CDON: variants seen among roughly 807,000 people sequenced by gnomAD.
CDON encodes the protein cell adhesion molecule-related/down-regulated by oncogenes.
Under a neutral mutation model 120.9 loss-of-function variants are expected in CDON, and 73 were observed. That is an observed-to-expected ratio of 0.60 (90% CI 0.50 to 0.73). The LOEUF is 0.73. Among genes scored for constraint, CDON ranks in the 30% least tolerant of loss-of-function variants. The probability of loss-of-function intolerance (pLI) is 0.00; values close to 1 mark genes in which losing one functional copy is unlikely to be tolerated. For synonymous variants in CDON, 566 were observed against 573.5 expected (o/e 0.99, Z 0.19); for missense variants, 1,470 against 1,587.3 (o/e 0.93, Z 1.26).
At chr11:125,965,490 T>C (rs1178155056) in intron 18 of CDON, among the ~76,000 whole-genome samples, 1 of 152,070 alleles carries the variant, frequency 6.6e-6, no homozygotes, top group Non-Finnish European at 1.5e-5. Context: ...AAACAAGGTG[T>C]CAAGAAGAAA....
At chr11:126,000,464 T>TC (rs1946909934) in intron 11 of CDON, among the ~76,000 whole-genome samples, 1 of 152,194 alleles carries the variant, frequency 6.6e-6, no homozygotes, top group South Asian at 2.1e-4. Context: ...TGTCTCAGCC[T>TC]CCCAAAGCAC....
chr11:125,969,622 A>C (rs1945904559), intron 18 of CDON, among the ~76,000 whole-genome samples: 2 of 152,214 alleles, frequency 1.3e-5, no homozygotes, highest in Non-Finnish European at 2.9e-5. Flanking sequence ...TACTTTGTTT[A>C]ATCTTAAGTT....
chr11:125,964,861 C>A (rs1945746571), intron 18 of CDON, among the ~76,000 whole-genome samples: 1 of 152,196 alleles, frequency 6.6e-6, no homozygotes, highest in Admixed American at 6.5e-5. Context: ...ACTCTAATAT[C>A]AAAAGATCAG....
chr11:126,010,313 C>T (rs1565525423), intron 8 of CDON, 28 bp downstream of exon 8: 2 of 1,446,140 alleles, frequency 1.4e-6, no homozygotes, highest in Non-Finnish European at 1.9e-6. Context: ...AATTACTCAA[C>T]TAAAAATAAA....
Position 125,960,845 on chromosome 11 carries a change from C to A in CDON, c.*97G>T. The A allele has an allele frequency of 9.2e-7, 1 of 1,082,220 alleles. No homozygotes were observed. Among genetic ancestry groups the A allele is most frequent in the Non-Finnish European group, 1.4e-6 (1 of 700,896 alleles). 67.0% of individuals were successfully genotyped at this position (1,082,220 alleles called of 1,614,324 possible). A position where few individuals can be genotyped will look rare whatever the true frequency, so the allele number is the denominator to read the frequency against. Reference sequence around the variant, plus strand: ...ACAAAAAAATAAATAATGATTTTCTCTGATTTGAATTAAGGTCCTTCACAC... The same window carrying A: ...ACAAAAAAATAAATAATGATTTTCTATGATTTGAATTAAGGTCCTTCACAC... On this transcript the variant is annotated 3_prime_UTR_variant, in exon 20 of 20. Coordinates refer to ENST00000531738, the MANE Select transcript of CDON (RefSeq NM_001378964.1).
intron 18 of CDON, among the ~76,000 whole-genome samples, chr11:125,965,815 G>C (rs1337391281): frequency 6.6e-6 from 1 of 152,126 alleles, no homozygotes; most frequent in Non-Finnish European, 1.5e-5. Flanking sequence ...CAGAAACTCT[G>C]CAAGTTTGTA....
rs887013184 is a variant in CDON at position 126,034,108 on chromosome 11, G to A, written c.-61-10571C>T. The stretch of plus-strand genomic sequence containing the variant: ...ACTTTATAAGCACTTATTAATGATC[G>A]TGCAATCATTCAGATCAACTTAAAA... On this transcript the variant is annotated intron_variant, in intron 1 of 19. Transcript: ENST00000531738. This position sits in a 1 kb window ranked among gnomAD's most constrained non-coding sequence, Gnocchi z 4.5. 7.3e-5 allele frequency among the ~76,000 whole-genome samples: 11 copies of A among 151,484 alleles called. No homozygotes were observed. The highest frequency in any genetic ancestry group is 1.9e-4 in the African/African-American group (8 of 41,152).
At chr11:126,025,909 C>T (rs1947781150) in intron 1 of CDON, among the ~76,000 whole-genome samples, 1 of 152,128 alleles carries the variant, frequency 6.6e-6, no homozygotes, top group African/African-American at 2.4e-5. Flanking sequence ...TGCCATTCTC[C>T]AGATATGGCC....
chr11:126,020,474 C>T (rs1007993280), intron 3 of CDON, among the ~76,000 whole-genome samples: 1 of 152,174 alleles, frequency 6.6e-6, no homozygotes, highest in Non-Finnish European at 1.5e-5. Context: ...TCAAAGCACT[C>T]AGCAGCCTGC....
At chr11:125,978,475 G>A (rs991274773) in intron 17 of CDON, 92 bp from the exon 18 acceptor site, 7 of 803,658 alleles carry the variant, frequency 8.7e-6, no homozygotes, top group South Asian at 1.4e-5. Flanking sequence ...AAATACACAT[G>A]AGCCATGTCA....
intron 7 of CDON, 104 bp downstream of exon 7, chr11:126,015,137 G>A (rs529123727): frequency 1.6e-4 from 184 of 1,118,464 alleles, no homozygotes; most frequent in South Asian, 1.5e-3. Flanking sequence ...CTTGTACGGT[G>A]CTAGGGTTAT....
At position 126,020,559 on chromosome 11, in the gene CDON, TCTC is replaced by T. The variant is rs758268254; in HGVS notation, c.349+686_349+688del. Among the ~76,000 whole-genome samples the T allele has an allele frequency of 3.9e-5, 6 of 152,144 alleles. No homozygotes were observed. In the East Asian group the frequency reaches 9.6e-4, roughly 24 times the overall value. On this transcript the variant is annotated intron_variant, in intron 3 of 19. Transcript: ENST00000531738. ...ACAGCTCTACAAAAACATTTACTCTTCTCAGTTATGACAAACTCACTACTCCTG... is the reference window on the plus strand; with the variant it reads ...ACAGCTCTACAAAAACATTTACTCTTAGTTATGACAAACTCACTACTCCTG...
rs149563412 is a variant in CDON at position 126,037,991 on chromosome 11, A to G, written c.-61-14454T>C. On this transcript the variant is annotated intron_variant, in intron 1 of 19. Coordinates refer to ENST00000531738, the MANE Select transcript of CDON (RefSeq NM_001378964.1). Reference sequence around the variant, plus strand: ...TGACTGCACTAAGAGGAAAGGGGGAAAAAACAGCAAAGATATCCAAAGTCG... The same window carrying G: ...TGACTGCACTAAGAGGAAAGGGGGAGAAAACAGCAAAGATATCCAAAGTCG... 4.3e-3 allele frequency among the ~76,000 whole-genome samples: 661 copies of G among 152,354 alleles called. 4 individuals are homozygous for G. Among genetic ancestry groups the G allele is most frequent in the Non-Finnish European group, 7.4e-3 (506 of 68,040 alleles).
chr11:125,964,501 G>A (rs1945734548), intron 18 of CDON, among the ~76,000 whole-genome samples: 1 of 152,024 alleles, frequency 6.6e-6, no homozygotes, highest in Non-Finnish European at 1.5e-5. Flanking sequence ...CTTTCTAGAG[G>A]GGGAAAACAT....
intron 2 of CDON, 65 bp from the exon 3 acceptor site, chr11:126,021,585 T>C (rs1427750728): frequency 6.3e-5 from 69 of 1,097,152 alleles, no homozygotes; most frequent in Non-Finnish European, 8.5e-5. Flanking sequence ...GAAAGAAGAT[T>C]ACATTAAACA....
At chr11:125,963,107 A>G (rs911564359) in intron 18 of CDON, among the ~76,000 whole-genome samples, 3 of 152,088 alleles carry the variant, frequency 2.0e-5, no homozygotes, top group African/African-American at 7.2e-5. Flanking sequence ...TTGCCCCAAG[A>G]TTGGAGAATG....
chr11:126,023,939 A>G (rs980001953), intron 1 of CDON, among the ~76,000 whole-genome samples: 1 of 152,252 alleles, frequency 6.6e-6, no homozygotes, highest in African/African-American at 2.4e-5. Context: ...AGTGCTTACT[A>G]TGTGCCAGAC....
At chr11:126,025,133 A>G (rs967225484) in intron 1 of CDON, among the ~76,000 whole-genome samples, 3 of 152,180 alleles carry the variant, frequency 2.0e-5, no homozygotes, top group African/African-American at 7.2e-5. Flanking sequence ...TGAACCTGGA[A>G]GGTGGAGGTT....
rs1173475844 is a variant in CDON, at chr11:126,021,295, T to C, written c.302A>G (p.Asn101Ser). The change falls in exon 3 of 20, where the codon AAT (asparagine) becomes AGT (serine). Residue 101 changes from asparagine (N) to serine (S), a missense_variant. Transcript: ENST00000531738. ...LLGYYQCLAN[N>S]SIGAIVSGPA... The stretch of plus-strand genomic sequence containing the variant: ...GCCACTCACAATGGCACCGATGCTA[T>C]TGTTGGCAAGGCACTGGTAGTAACC... The C allele has an allele frequency of 1.7e-5, 28 of 1,614,032 alleles. No homozygotes were observed. The highest frequency in any genetic ancestry group is 2.2e-5 in the Non-Finnish European group (26 of 1,180,016).
Sources: gnomAD v4.1 joint callset for allele counts (sites outside exome capture counted in the v4.1 genomes callset) on GRCh38, gnomAD v4.1.1 for gene constraint, Gnocchi (gnomAD v3.1) non-coding constraint, MANE v1.5 for transcripts, NCBI Gene and HGNC (gene_info 2026-07-23, HGNC 2026-07-21) for gene names.